The following ADGRB3 variants were observed in gnomAD, a reference collection of about 807,000 sequenced individuals.
ADGRB3 encodes the protein adhesion G protein-coupled receptor B3.
ADGRB3 carries 37 observed loss-of-function variants against 193.4 expected under a neutral mutation model. That is an observed-to-expected ratio of 0.19 (90% confidence interval 0.15 to 0.25). ADGRB3 has a LOEUF of 0.25. ADGRB3 is among the 10% of genes least tolerant of loss of function. ADGRB3 has a pLI of 1.00. For missense variants in ADGRB3, 1,637 were observed against 1,852.9 expected (o/e 0.88, Z 2.14); for synonymous variants, 690 against 644.2 (o/e 1.07, Z -1.08).
At chr6:69,351,314 C>T (rs1056141838) in intron 26 of ADGRB3, among the ~76,000 whole-genome samples, 1 of 151,442 alleles carries the variant, frequency 6.6e-6, no homozygotes, top group South Asian at 2.1e-4. Flanking sequence ...AGGCTGGTCT[C>T]GAACTCCTGA....
intron 3 of ADGRB3, among the ~76,000 whole-genome samples, chr6:68,833,316 T>C (rs1442220850): frequency 6.6e-6 from 1 of 151,714 alleles, no homozygotes; most frequent in African/African-American, 2.4e-5. Flanking sequence ...TAAAATAAGA[T>C]AGAAAAAATT....
At chr6:69,015,850 A>AC (rs932958294) in intron 12 of ADGRB3, among the ~76,000 whole-genome samples, 3 of 151,998 alleles carry the variant, frequency 2.0e-5, no homozygotes, top group African/African-American at 7.2e-5. Context: ...AAGTTAAAAA[A>AC]AAAAACTACA....
intron 3 of ADGRB3, among the ~76,000 whole-genome samples, chr6:68,903,350 AC>A (rs1471908325): frequency 3.9e-5 from 6 of 152,134 alleles, no homozygotes; most frequent in Non-Finnish European, 2.9e-5. Flanking sequence ...CATTATAAAA[AC>A]CCGACCTCAT....
chr6:69,234,573 A>G (rs1183516803), intron 18 of ADGRB3, among the ~76,000 whole-genome samples: 2 of 152,178 alleles, frequency 1.3e-5, no homozygotes, highest in Admixed American at 6.5e-5. Flanking sequence ...AATCTTCAAT[A>G]TCTATATACC....
At chr6:69,011,135 A>G (rs79693839) in intron 11 of ADGRB3, among the ~76,000 whole-genome samples, 137 of 145,032 alleles carry the variant, frequency 9.4e-4, no homozygotes, top group African/African-American at 1.8e-3. Flanking sequence ...ATACATATAT[A>G]TGTGTGTGTG....
intron 28 of ADGRB3, among the ~76,000 whole-genome samples, chr6:69,357,253 A>G (rs1020762486): frequency 2.0e-5 from 3 of 152,054 alleles, no homozygotes; most frequent in Admixed American, 1.3e-4. Context: ...CTATTTCAGT[A>G]CTAGTGTCAA....
intron 3 of ADGRB3, among the ~76,000 whole-genome samples, chr6:68,676,941 A>G (rs1047069855): frequency 6.6e-6 from 1 of 152,230 alleles, no homozygotes; most frequent in African/African-American, 2.4e-5. Context: ...AAATAAAAAA[A>G]CAAAAAATGA....
At chr6:69,105,994 G>A (rs1482366939) in intron 17 of ADGRB3, among the ~76,000 whole-genome samples, 3 of 151,770 alleles carry the variant, frequency 2.0e-5, no homozygotes, top group African/African-American at 7.3e-5. Context: ...AATTAGCCAG[G>A]ACATGGTGGC....
chr6:68,997,488 CAAA>C (rs748557247), intron 11 of ADGRB3, among the ~76,000 whole-genome samples: 1 of 52,174 alleles, frequency 1.9e-5, no homozygotes, highest in Non-Finnish European at 3.9e-5. Context: ...ACTAAAAATA[CAAA>C]AAAAAAAAAA....
intron 17 of ADGRB3, among the ~76,000 whole-genome samples, chr6:69,132,638 G>A (rs184354996): frequency 1.1e-4 from 16 of 151,922 alleles, no homozygotes; most frequent in South Asian, 2.1e-4. Flanking sequence ...AATTAGATCC[G>A]ATTTGTCTAT....
intron 3 of ADGRB3, among the ~76,000 whole-genome samples, chr6:68,779,408 T>C (rs1766813075): frequency 6.6e-6 from 1 of 151,958 alleles, no homozygotes; most frequent in South Asian, 2.1e-4. Flanking sequence ...AGTTTCCATA[T>C]GATGCTGCCT....
chr6:69,027,819 T>C (rs1770482622), intron 13 of ADGRB3, among the ~76,000 whole-genome samples: 1 of 152,000 alleles, frequency 6.6e-6, no homozygotes, highest in Admixed American at 6.6e-5. Context: ...AGAAATAGAG[T>C]GTGGAAGAAG....
rs1261239774 is a variant in ADGRB3 at position 69,121,816 on chromosome 6, A to G, written c.2480+45778A>G. ...GGCAGAGGCGCACCTCACATCCCAG[A>G]CAATGGGCGGCCGGGCAGAGGCGCT... is the stretch of plus-strand genomic sequence containing the variant. On this transcript the variant is annotated intron_variant, in intron 17 of 31. Coordinates refer to ENST00000370598, the MANE Select transcript of ADGRB3 (RefSeq NM_001704.3). 4.0e-5 allele frequency among the ~76,000 whole-genome samples: 6 copies of G among 149,696 alleles called. No homozygotes were observed. In the East Asian group the frequency reaches 1.2e-3, roughly 30 times the overall value.
chr6:69,069,350 A>G (rs141709525), intron 16 of ADGRB3, among the ~76,000 whole-genome samples: 3 of 151,972 alleles, frequency 2.0e-5, no homozygotes, highest in South Asian at 2.1e-4. Flanking sequence ...CTGATCAACT[A>G]TTAGCGGACT....
At chr6:68,863,525 T>C (rs1320177004) in intron 3 of ADGRB3, among the ~76,000 whole-genome samples, 1 of 152,114 alleles carries the variant, frequency 6.6e-6, no homozygotes, top group East Asian at 1.9e-4. Context: ...TACTTCTTGA[T>C]ATTCAATAAA....
chr6:68,841,780 T>C (rs1330115235), intron 3 of ADGRB3, among the ~76,000 whole-genome samples: 1 of 152,068 alleles, frequency 6.6e-6, no homozygotes, highest in Non-Finnish European at 1.5e-5. Flanking sequence ...AGACTTCACA[T>C]GTTCTCACTT....
At chr6:68,702,467 G>A (rs565608922) in intron 3 of ADGRB3, among the ~76,000 whole-genome samples, 3 of 152,242 alleles carry the variant, frequency 2.0e-5, no homozygotes, top group Admixed American at 1.3e-4. Flanking sequence ...TTATGAGTCT[G>A]CAAAATTAAA....
intron 20 of ADGRB3, among the ~76,000 whole-genome samples, chr6:69,276,555 A>G (rs572888064): frequency 6.6e-6 from 1 of 152,290 alleles, no homozygotes; most frequent in South Asian, 2.1e-4. Context: ...CTTTTTTTAA[A>G]TACACATTTA....
At chr6:68,788,256 A>G (rs961025033) in intron 3 of ADGRB3, among the ~76,000 whole-genome samples, 9 of 151,880 alleles carry the variant, frequency 5.9e-5, no homozygotes, top group Non-Finnish European at 5.9e-5. Flanking sequence ...TAGGGTGTCA[A>G]TTTTAGATCT....
Sources: allele counts gnomAD v4.1 joint callset (sites outside exome capture counted in the v4.1 genomes callset), GRCh38; gene constraint gnomAD v4.1.1; transcripts MANE v1.5; gene names NCBI Gene and HGNC (gene_info 2026-07-23, HGNC 2026-07-21).